MDGA2: variants seen among roughly 807,000 people sequenced by gnomAD.
The protein encoded by MDGA2 is MAM domain containing glycosylphosphatidylinositol anchor 2.
A neutral mutation model predicts 117.8 loss-of-function variants in MDGA2; 40 were observed. That is an observed-to-expected ratio of 0.34 (90% CI 0.26 to 0.44). The LOEUF is 0.44. Ranked by LOEUF, MDGA2 falls within the 20% of genes least tolerant of loss-of-function variation. The probability of loss-of-function intolerance (pLI) is 1.00; values close to 1 mark genes in which losing one functional copy is unlikely to be tolerated. For synonymous variants in MDGA2, 452 were observed against 439.0 expected, an observed-to-expected ratio of 1.03 and a Z score of -0.37; for missense variants, 1,123 against 1,250.6, an observed-to-expected ratio of 0.90 and a Z score of 1.54.
rs374532000 is a variant in MDGA2, at chr14:47,286,056, T to C, written c.420+15355A>G. ...TGTGTGTGTGTGTGTGTTTGCATTG[T>C]GTGTGTGATATATATATAACTTTTA... On this transcript the variant is annotated intron_variant, in intron 2 of 16. Transcript: ENST00000399232. Among the ~76,000 whole-genome samples, 18 of 152,118 alleles carry C rather than the reference T, an allele frequency of 1.2e-4. No individual in the cohort carries two copies. The East Asian group carries it at 1.9e-3, about 16-fold the overall frequency.
At chr14:46,960,665 A>C (rs1885759550) in intron 8 of MDGA2, 1 of 151,892 alleles carries the variant, frequency 6.6e-6, no homozygotes, top group African/African-American at 2.4e-5. Flanking sequence ...TGTTATATAT[A>C]TACACACACA....
At chr14:47,435,281 C>T (rs1892874980) in intron 1 of MDGA2, among the ~76,000 whole-genome samples, 1 of 152,166 alleles carries the variant, frequency 6.6e-6, no homozygotes, top group African/African-American at 2.4e-5. Context: ...ATACCCAATT[C>T]TCTTAATTTT....
At chr14:47,367,196 T>C (rs563860640) in intron 1 of MDGA2, among the ~76,000 whole-genome samples, 24 of 152,352 alleles carry the variant, frequency 1.6e-4, no homozygotes, top group South Asian at 1.4e-3. Context: ...TTAACTCTTA[T>C]GAGTAATTTC....
intron 3 of MDGA2, among the ~76,000 whole-genome samples, chr14:47,152,434 T>C (rs1276156660): frequency 6.6e-6 from 1 of 152,180 alleles, no homozygotes. Context: ...TGGAAGAAAC[T>C]TTACATATGC....
intron 1 of MDGA2, among the ~76,000 whole-genome samples, chr14:47,400,006 C>T (rs1046787934): frequency 1.1e-4 from 16 of 152,108 alleles, no homozygotes; most frequent in Non-Finnish European, 1.8e-4. Flanking sequence ...ATTTACTTCC[C>T]TTTTTCCCCT....
intron 16 of MDGA2, 150 bp from the exon 17 acceptor site, chr14:46,842,169 T>A: frequency 1.7e-6 from 1 of 594,182 alleles, no homozygotes. Flanking sequence ...TTTATCAGCT[T>A]CATTGCTAAG....
chr14:47,157,819 C>G (rs775078789), intron 3 of MDGA2, among the ~76,000 whole-genome samples: 6 of 152,040 alleles, frequency 3.9e-5, no homozygotes, highest in African/African-American at 7.2e-5. Flanking sequence ...AGGGCTCCCC[C>G]CCTCACTCAG....
At chr14:47,592,897 T>C (rs978961225) in intron 1 of MDGA2, among the ~76,000 whole-genome samples, 1 of 152,140 alleles carries the variant, frequency 6.6e-6, no homozygotes, top group Non-Finnish European at 1.5e-5. Flanking sequence ...GATATCTAAT[T>C]AAACTAAAGA....
intron 5 of MDGA2, among the ~76,000 whole-genome samples, chr14:47,125,871 A>G (rs1881877010): frequency 1.3e-5 from 2 of 152,056 alleles, no homozygotes; most frequent in African/African-American, 4.8e-5. Context: ...TCATCCTAAT[A>G]TAGGTAACCT....
chr14:47,445,667 T>C (rs1893106531), intron 1 of MDGA2, among the ~76,000 whole-genome samples: 1 of 152,068 alleles, frequency 6.6e-6, no homozygotes, highest in African/African-American at 2.4e-5. Flanking sequence ...CTCTTACTCA[T>C]AAGACAAAAT....
intron 3 of MDGA2, among the ~76,000 whole-genome samples, chr14:47,178,176 T>C (rs146665091): frequency 2.7e-4 from 41 of 152,314 alleles, no homozygotes; most frequent in African/African-American, 9.6e-4. Flanking sequence ...TTAAAATTCA[T>C]TTGAAAAGGA....
At position 47,493,253 on chromosome 14, in the gene MDGA2, T is replaced by C. The variant is rs192086860; in HGVS notation, c.280+181264A>G. On this transcript the variant is annotated intron_variant, in intron 1 of 16. Coordinates refer to ENST00000399232, the MANE Select transcript of MDGA2 (RefSeq NM_001113498.3). ...TGTACAATATTATTAACTAAAAATA[T>C]TTCTGGGACTGTTATAACAAAATCA... Among the ~76,000 whole-genome samples the C allele has an allele frequency of 6.6e-4, 99 of 150,148 alleles. 1 individual carries two copies. Among genetic ancestry groups the C allele is most frequent in the Middle Eastern group, 3.5e-3 (1 of 282 alleles).
At chr14:47,216,027 G>T (rs1886074385) in intron 3 of MDGA2, among the ~76,000 whole-genome samples, 1 of 152,064 alleles carries the variant, frequency 6.6e-6, no homozygotes, top group African/African-American at 2.4e-5. Flanking sequence ...GGGAAATCTG[G>T]AGATAACAGT....
chr14:46,974,869 AT>A (rs976591601), intron 8 of MDGA2, among the ~76,000 whole-genome samples: 10 of 151,936 alleles, frequency 6.6e-5, no homozygotes, highest in African/African-American at 2.2e-4. Context: ...TGGAATTCGT[AT>A]TTTTTTTCAA....
chr14:46,920,159 T>C lies in MDGA2; in HGVS notation c.2091A>G (p.Gly697=), dbSNP rs766392215. The C allele has an allele frequency of 1.9e-6, 3 of 1,606,012 alleles. No homozygotes were observed. The highest frequency in any genetic ancestry group is 2.2e-5 in the East Asian group (1 of 44,620). The change falls in exon 10 of 17, where the codon GGA becomes GGG. Residue 697 remains glycine, a splice_region_variant and synonymous_variant. Coordinates refer to ENST00000399232, the MANE Select transcript of MDGA2 (RefSeq NM_001113498.3). Reference sequence around the variant, plus strand: ...AATAGAATTCTGGAGCATAGGCCTTTCCTGAAAACAGAAAGTGTGCTTAAA... The same window carrying C: ...AATAGAATTCTGGAGCATAGGCCTTCCCTGAAAACAGAAAGTGTGCTTAAA... ...GAGRCSFLVT[G]KAYAPEFYYD... is the part of the protein sequence containing the mutation.
intron 3 of MDGA2, among the ~76,000 whole-genome samples, chr14:47,177,554 A>G (rs1041837524): frequency 6.6e-6 from 1 of 152,186 alleles, no homozygotes; most frequent in Non-Finnish European, 1.5e-5. Context: ...TGCAAGGACA[A>G]AAATCAAACA....
At chr14:46,842,795 T>A (rs1478048010) in intron 16 of MDGA2, among the ~76,000 whole-genome samples, 1 of 152,202 alleles carries the variant, frequency 6.6e-6, no homozygotes, top group Non-Finnish European at 1.5e-5. Flanking sequence ...CAATCTTATA[T>A]CTGCATGGTG....
At chr14:47,361,518 T>A (rs1368002438) in intron 1 of MDGA2, among the ~76,000 whole-genome samples, 1 of 152,112 alleles carries the variant, frequency 6.6e-6, no homozygotes, top group Non-Finnish European at 1.5e-5. Flanking sequence ...TTAAAACTCT[T>A]AGTGCTGTCT....
intron 8 of MDGA2, among the ~76,000 whole-genome samples, chr14:47,018,763 G>T (rs941810640): frequency 1.2e-3 from 48 of 40,252 alleles, no homozygotes; most frequent in Non-Finnish European, 6.8e-4. Flanking sequence ...AAAAAAAAAA[G>T]TCTCCATTGA....
Sources: allele counts gnomAD v4.1 joint callset (sites outside exome capture counted in the v4.1 genomes callset), GRCh38; gene constraint gnomAD v4.1.1; transcripts MANE v1.5; gene names NCBI Gene and HGNC (gene_info 2026-07-23, HGNC 2026-07-21).